RBFOX1: variants seen among roughly 807,000 people sequenced by gnomAD.
The protein encoded by RBFOX1 is RNA binding fox-1 homolog 1.
Under a neutral mutation model 57.7 loss-of-function variants are expected in RBFOX1, and 8 were observed. That is an observed-to-expected ratio of 0.14 (90% confidence interval 0.08 to 0.25). The LOEUF (loss-of-function observed/expected upper bound fraction) is 0.25. RBFOX1 is among the 10% of genes least tolerant of loss of function. The pLI, the probability that RBFOX1 is intolerant of heterozygous loss-of-function variation, is 1.00. For missense variants in RBFOX1, 611 were observed against 548.5 expected (o/e 1.11, Z -1.14); for synonymous variants, 326 against 222.4 (o/e 1.47, Z -4.15).
At chr16:6,584,922 C>A (rs1861213) in intron 2 of RBFOX1, among the ~76,000 whole-genome samples, 2 of 152,006 alleles carry the variant, frequency 1.3e-5, no homozygotes, top group African/African-American at 4.8e-5. Flanking sequence ...TGGGGACCTG[C>A]GTTGAAAACC....
At chr16:5,984,799 A>G (rs1198581332) in intron 4 of RBFOX1, among the ~76,000 whole-genome samples, 2 of 151,868 alleles carry the variant, frequency 1.3e-5, no homozygotes, top group South Asian at 2.1e-4. Flanking sequence ...CTCCTAGGCT[A>G]CAAACTTATA....
intron 14 of RBFOX1, among the ~76,000 whole-genome samples, chr16:7,697,668 C>G (rs1053196068): frequency 2.0e-5 from 3 of 152,156 alleles, no homozygotes; most frequent in Middle Eastern, 3.2e-3. Flanking sequence ...CTTGCCCAGT[C>G]ACACTGGAGT....
chr16:5,666,356 C>T (rs2049844599), intron 3 of RBFOX1, among the ~76,000 whole-genome samples: 1 of 152,192 alleles, frequency 6.6e-6, no homozygotes, highest in East Asian at 1.9e-4. Context: ...TTCCTCAGCA[C>T]AGTGAACAGA....
At chr16:6,112,244 A>G (rs76567626) in intron 1 of RBFOX1, among the ~76,000 whole-genome samples, 11,811 of 152,146 alleles carry the variant, frequency 0.078, 699 homozygotes, top group East Asian at 0.25. Flanking sequence ...GCAGGTAGGA[A>G]TTGAGAACAG....
chr16:5,380,552 T>C (rs1346400337), intron 1 of RBFOX1, among the ~76,000 whole-genome samples: 3 of 152,234 alleles, frequency 2.0e-5, no homozygotes, highest in African/African-American at 7.2e-5. Flanking sequence ...GAATAGGACT[T>C]ACCTTTGGGG....
intron 2 of RBFOX1, among the ~76,000 whole-genome samples, chr16:6,649,490 C>A (rs58319565): frequency 6.6e-6 from 1 of 152,140 alleles, no homozygotes; most frequent in East Asian, 1.9e-4. Flanking sequence ...CCGTACCCAA[C>A]GTGTAATCTT....
chr16:7,444,587 C>T (rs1288269357), intron 4 of RBFOX1, among the ~76,000 whole-genome samples: 1 of 152,022 alleles, frequency 6.6e-6, no homozygotes, highest in East Asian at 1.9e-4. Context: ...AGCTAGACTG[C>T]AGTGGCATGA....
chr16:6,636,970 ATATT>A lies in RBFOX1; in HGVS notation c.-63-17629_-63-17626del, dbSNP rs992486586. Among the ~76,000 whole-genome samples, 7 of 128,346 alleles carry A rather than the reference ATATT, an allele frequency of 5.5e-5. No homozygotes were observed. In the South Asian group the frequency reaches 8.8e-4, roughly 16 times the overall value. 84.2% of individuals were successfully genotyped at this position (128,346 alleles called of 152,430 possible). On this transcript the variant is annotated intron_variant, in intron 2 of 15. Transcript: ENST00000550418. ...TATACATAAAATATGTATATTATGT[ATATT>A]TATGTATATGTATCATTATGTATAA...
At chr16:5,904,759 C>T (rs1003363352) in intron 4 of RBFOX1, among the ~76,000 whole-genome samples, 7 of 151,844 alleles carry the variant, frequency 4.6e-5, no homozygotes, top group South Asian at 4.2e-4. Flanking sequence ...GGGCAGATCA[C>T]GAGGTCAGGA....
chr16:6,866,506 A>T (rs185383427), intron 3 of RBFOX1, among the ~76,000 whole-genome samples: 4,522 of 148,306 alleles, frequency 0.03, 162 homozygotes, highest in African/African-American at 0.078. Flanking sequence ...ACTTTTTTTA[A>T]AAAAAAAAAT....
intron 3 of RBFOX1, among the ~76,000 whole-genome samples, chr16:7,016,993 G>T (rs115218540): frequency 6.6e-6 from 1 of 152,190 alleles, no homozygotes; most frequent in South Asian, 2.1e-4. Flanking sequence ...TTCATTTCCT[G>T]GTTGAGCGAC....
chr16:7,463,383 A>T (rs145844713), intron 4 of RBFOX1, among the ~76,000 whole-genome samples: 1 of 152,322 alleles, frequency 6.6e-6, no homozygotes, highest in Non-Finnish European at 1.5e-5. Context: ...GGGTGCCTGT[A>T]ATCTCCGATA....
intron 3 of RBFOX1, among the ~76,000 whole-genome samples, chr16:6,880,392 C>T (rs184166104): frequency 2.9e-4 from 44 of 152,230 alleles, no homozygotes; most frequent in South Asian, 1.5e-3. Context: ...TGCAACCCAC[C>T]GCCCTGTTGC....
In RBFOX1 at chr16:6,216,883, C is replaced by T. The variant is rs374577339; in HGVS notation, c.-126-100112C>T. On this transcript the variant is annotated intron_variant, in intron 1 of 15. Coordinates refer to ENST00000550418, the MANE Select transcript of RBFOX1 (RefSeq NM_018723.4). ...TTCCCTATTTCACTTTTTTTTTTTC[C>T]GCTCTCCCTTGGAAGCTCTTCTTTG... Among the ~76,000 whole-genome samples the T allele has an allele frequency of 8.0e-5, 12 of 150,160 alleles. No homozygotes were observed. In the East Asian group the frequency reaches 1.6e-3, roughly 20 times the overall value.
chr16:5,590,691 C>A lies in RBFOX1; in HGVS notation c.259-8211C>A, dbSNP rs555141537. Among the ~76,000 whole-genome samples, 10 of 152,260 alleles carry A rather than the reference C, an allele frequency of 6.6e-5. No homozygotes were observed. The East Asian group carries it at 1.7e-3, about 26-fold the overall frequency. On this transcript the variant is annotated intron_variant, in intron 2 of 2. Transcript: ENST00000585867. ...ATGCTTCCAGCTTTCTGGGCATTGC[C>A]TTTTGGTCACCCTACCCCAGGAGGG...
chr16:6,857,270 C>T (rs930818065), intron 3 of RBFOX1, among the ~76,000 whole-genome samples: 1 of 152,102 alleles, frequency 6.6e-6, no homozygotes, highest in Non-Finnish European at 1.5e-5. Context: ...AAATAAATCG[C>T]AAACTTATTA....
chr16:7,630,013 C>G (rs1237826072), intron 10 of RBFOX1, among the ~76,000 whole-genome samples: 1 of 152,178 alleles, frequency 6.6e-6, no homozygotes, highest in Non-Finnish European at 1.5e-5. Context: ...CTCTGAAGAA[C>G]TGATTCGGAA....
At chr16:7,190,527 C>T (rs1356642665) in intron 4 of RBFOX1, among the ~76,000 whole-genome samples, 1 of 151,612 alleles carries the variant, frequency 6.6e-6, no homozygotes, top group Non-Finnish European at 1.5e-5. Flanking sequence ...ACTCTGATCT[C>T]TATCTGATGA....
chr16:6,858,557 C>T (rs1033256423), intron 3 of RBFOX1, among the ~76,000 whole-genome samples: 1 of 152,154 alleles, frequency 6.6e-6, no homozygotes, highest in Admixed American at 6.5e-5. Flanking sequence ...CGTACGGTTA[C>T]AGCTCAATTA....
Sources: allele counts gnomAD v4.1 joint callset (sites outside exome capture counted in the v4.1 genomes callset), GRCh38; gene constraint gnomAD v4.1.1; transcripts MANE v1.5; gene names NCBI Gene and HGNC (gene_info 2026-07-23, HGNC 2026-07-21).